The following ACBD3 variants were observed in gnomAD, a reference collection of about 807,000 sequenced individuals.
The protein encoded by ACBD3 is acyl-CoA binding domain containing 3, also known as Golgi resident protein GCP60.
Under a neutral mutation model 66.9 loss-of-function variants are expected in ACBD3, and 30 were observed. The observed-to-expected ratio is 0.45, with a 90% CI of 0.34 to 0.61. The LOEUF is 0.61. Among genes scored for constraint, ACBD3 ranks in the 20% least tolerant of loss-of-function variants. ACBD3 has a pLI of 0.02. For synonymous variants in ACBD3, 278 were observed against 259.8 expected, an observed-to-expected ratio of 1.07 and a Z score of -0.68; for missense variants, 544 against 664.5, an observed-to-expected ratio of 0.82 and a Z score of 1.99.
chr1:226,186,266 G>A (rs942010110), intron 1 of ACBD3, 124 bp downstream of exon 1: 17 of 1,235,794 alleles, frequency 1.4e-5, no homozygotes, highest in Admixed American at 4.1e-5. Context: ...AACCCCGCTT[G>A]AGTCACCACA....
At chr1:226,160,095 CTT>C (rs199846671) in intron 4 of ACBD3, among the ~76,000 whole-genome samples, 11 of 143,108 alleles carry the variant, frequency 7.7e-5, no homozygotes, top group Non-Finnish European at 6.1e-5. Context: ...CATGCTTCTT[CTT>C]TTTTTTTTTT....
In ACBD3 at chr1:226,154,750, A is replaced by T. The variant is rs1659640766; in HGVS notation, c.987T>A (p.Ser329Arg). 6.2e-7 allele frequency: 1 copy of T among 1,613,922 alleles called. No individual in the cohort carries two copies. ...TSSKVNATVPSNMMSVNGQAK... is the reference protein window; with the variant it reads ...TSSKVNATVPRNMMSVNGQAK... ...CCTGTCCATTAACTGACATCATATT[A>T]CTTGGTACAGTTGCATTCACTTTTG... The change falls in exon 6 of 8, where the codon AGT (serine) becomes AGA (arginine). Residue 329 changes from serine (S) to arginine (R), a missense_variant. Ser to Arg is a moderately radical substitution (Grantham distance 110). Coordinates refer to ENST00000366812, the MANE Select transcript of ACBD3 (RefSeq NM_022735.4).
At chr1:226,185,631 A>C (rs1293653021) in intron 1 of ACBD3, among the ~76,000 whole-genome samples, 1 of 152,158 alleles carries the variant, frequency 6.6e-6, no homozygotes, top group Admixed American at 6.6e-5. Context: ...AAAAAAAAAA[A>C]AAACCGCACA....
At chr1:226,159,090 T>C (rs1450636639) in intron 5 of ACBD3, 94 bp downstream of exon 5, 3 of 1,430,304 alleles carry the variant, frequency 2.1e-6, no homozygotes, top group Non-Finnish European at 2.9e-6. Flanking sequence ...GGCTAACTAA[T>C]GCAAAATTCA....
chr1:226,159,594 G>A (rs1261744206), intron 4 of ACBD3, among the ~76,000 whole-genome samples: 1 of 152,124 alleles, frequency 6.6e-6, no homozygotes, highest in African/African-American at 2.4e-5. Context: ...ATAAGCATAT[G>A]ATCATCATCA....
chr1:226,176,076 G>A (rs774655793), intron 1 of ACBD3, among the ~76,000 whole-genome samples: 2 of 152,212 alleles, frequency 1.3e-5, no homozygotes, highest in Non-Finnish European at 2.9e-5. Flanking sequence ...AGGGAAGAAA[G>A]AAGAGTCAGA....
chr1:226,144,944 T>C lies in ACBD3; in HGVS notation c.*1666A>G, dbSNP rs188671316. 1 of 152,584 alleles carries C rather than the reference T, an allele frequency of 6.6e-6. No homozygotes were observed. Among genetic ancestry groups the C allele is most frequent in the African/African-American group, 2.4e-5 (1 of 41,440 alleles). 9.5% of individuals were successfully genotyped at this position (152,584 alleles called of 1,614,324 possible). A position where few individuals can be genotyped will look rare whatever the true frequency, so the allele number is the denominator to read the frequency against. ...GCTGGAAGAAATATATATTAGTGCC[T>C]GCTTTTTAAAAGTTTATTTTACATT... On this transcript the variant is annotated 3_prime_UTR_variant, in exon 8 of 8. Transcript: ENST00000366812.
In ACBD3 at chr1:226,148,497, C is replaced by T. The variant is rs976559871; in HGVS notation, c.1376-1676G>A. On this transcript the variant is annotated intron_variant, in intron 7 of 7. Coordinates refer to ENST00000366812, the MANE Select transcript of ACBD3 (RefSeq NM_022735.4). ...GAAATACAGAACCATCCAAAATGTA[C>T]ACTATTGTTGACATCCAAGAAATAG... Among the ~76,000 whole-genome samples the T allele has an allele frequency of 4.6e-5, 7 of 152,302 alleles. No homozygotes were observed. The East Asian group carries it at 1.3e-3, about 29-fold the overall frequency.
At chr1:226,166,581 G>C (rs1029238852) in intron 1 of ACBD3, among the ~76,000 whole-genome samples, 3 of 150,198 alleles carry the variant, frequency 2.0e-5, no homozygotes, top group African/African-American at 7.4e-5. Context: ...AACCTGCTGA[G>C]CTTAAGTGAT....
At chr1:226,147,255 T>C (rs1157493159) in intron 7 of ACBD3, among the ~76,000 whole-genome samples, 1 of 152,230 alleles carries the variant, frequency 6.6e-6, no homozygotes. Context: ...GTTATGTGCA[T>C]GTGAGCATTT....
At chr1:226,174,880 C>G (rs1027037367) in intron 1 of ACBD3, among the ~76,000 whole-genome samples, 1 of 151,674 alleles carries the variant, frequency 6.6e-6, no homozygotes, top group Admixed American at 6.6e-5. Flanking sequence ...GCAGGCAGAT[C>G]ACCTGAGGTC....
intron 3 of ACBD3, among the ~76,000 whole-genome samples, chr1:226,162,204 C>T (rs994585486): frequency 3.3e-5 from 5 of 151,426 alleles, no homozygotes; most frequent in African/African-American, 9.7e-5. Flanking sequence ...CCTGAAATAT[C>T]GCAGAGCCAA....
chr1:226,158,346 TAA>T (rs1659712073), intron 5 of ACBD3, among the ~76,000 whole-genome samples: 1 of 152,208 alleles, frequency 6.6e-6, no homozygotes. Context: ...TAAGCTACGT[TAA>T]GTTTAAGGAG....
chr1:226,154,927 T>C, intron 5 of ACBD3, 94 bp from the exon 6 acceptor site: 1 of 1,070,258 alleles, frequency 9.3e-7, no homozygotes, highest in Non-Finnish European at 1.3e-6. Flanking sequence ...GCTTTTGCCC[T>C]ACCAAAGTGC....
intron 1 of ACBD3, among the ~76,000 whole-genome samples, chr1:226,179,198 G>A (rs1476372121): frequency 6.6e-6 from 1 of 152,218 alleles, no homozygotes; most frequent in African/African-American, 2.4e-5. Flanking sequence ...GGGTTCATAT[G>A]AGTGTTAGAA....
At chr1:226,153,398 C>T (rs551755806) in intron 6 of ACBD3, among the ~76,000 whole-genome samples, 1 of 152,284 alleles carries the variant, frequency 6.6e-6, no homozygotes, top group East Asian at 1.9e-4. Flanking sequence ...ACCATACCAC[C>T]ATCCCTGACC....
intron 1 of ACBD3, among the ~76,000 whole-genome samples, chr1:226,177,777 T>C (rs1006048709): frequency 6.6e-6 from 1 of 151,590 alleles, no homozygotes; most frequent in South Asian, 2.1e-4. Flanking sequence ...AGGGTCTTGC[T>C]CTGTAGCCCA....
At chr1:226,180,998 CA>C (rs540018230) in intron 1 of ACBD3, among the ~76,000 whole-genome samples, 19,335 of 84,170 alleles carry the variant, frequency 0.23, 1,243 homozygotes, top group East Asian at 0.29. Context: ...GACTCCATCT[CA>C]AAAAAAAAAA....
intron 3 of ACBD3, among the ~76,000 whole-genome samples, chr1:226,162,010 A>G (rs1659783483): frequency 6.6e-6 from 1 of 152,182 alleles, no homozygotes; most frequent in East Asian, 1.9e-4. Context: ...TTTCCTTCAT[A>G]ATACCTGCTG....
Sources: allele counts gnomAD v4.1 joint callset (sites outside exome capture counted in the v4.1 genomes callset), GRCh38; gene constraint gnomAD v4.1.1; transcripts MANE v1.5; gene names NCBI Gene and HGNC (gene_info 2026-07-23, HGNC 2026-07-21).